Variants in EMID1 observed in about 807,000 individuals in gnomAD.
EMID1 encodes the protein EMI domain-containing protein 1.
In EMID1, 40 loss-of-function variants were observed where a neutral mutation model predicts 60.6. The observed-to-expected ratio is 0.66, with a 90% CI of 0.51 to 0.86. The LOEUF (loss-of-function observed/expected upper bound fraction) is 0.86, where lower values mean the gene tolerates loss of function less well. Ranked by LOEUF, EMID1 falls within the 40% of genes least tolerant of loss-of-function variation. EMID1 has a pLI of 0.00. For synonymous variants in EMID1, 242 were observed against 231.0 expected, an observed-to-expected ratio of 1.05 and a Z score of -0.43; for missense variants, 585 against 597.1, an observed-to-expected ratio of 0.98 and a Z score of 0.21.
At chr22:29,215,252 C>T in intron 2 of EMID1, 1 of 985,440 alleles carries the variant, frequency 1.0e-6, no homozygotes, top group Non-Finnish European at 1.2e-6. Flanking sequence ...CACCATTTGC[C>T]TGCATTCCTT....
At chr22:29,218,478 G>A (rs563644421) in intron 3 of EMID1, among the ~76,000 whole-genome samples, 1 of 152,328 alleles carries the variant, frequency 6.6e-6, no homozygotes, top group African/African-American at 2.4e-5. Context: ...CTGGCCTGAG[G>A]TCACTCGGCA....
intron 3 of EMID1, among the ~76,000 whole-genome samples, chr22:29,220,094 G>T (rs1157644307): frequency 2.6e-5 from 4 of 151,656 alleles, no homozygotes; most frequent in African/African-American, 9.7e-5. Context: ...CACTCTCTCA[G>T]CCCCTGCCTG....
intron 3 of EMID1, among the ~76,000 whole-genome samples, chr22:29,217,114 G>T (rs2040118312): frequency 2.0e-5 from 3 of 152,216 alleles, no homozygotes. Flanking sequence ...GGCCGCCTGG[G>T]CCCAGGCAGA....
chr22:29,240,909 C>T (rs1289517778), intron 12 of EMID1, among the ~76,000 whole-genome samples: 2 of 152,200 alleles, frequency 1.3e-5, no homozygotes. Context: ...GGTCCGATCA[C>T]TCCAACAGGT....
At chr22:29,245,282 G>A (rs1485579627) in intron 13 of EMID1, among the ~76,000 whole-genome samples, 1 of 152,168 alleles carries the variant, frequency 6.6e-6, no homozygotes, top group Non-Finnish European at 1.5e-5. Flanking sequence ...CCTCCCCTAG[G>A]CTAATTACTG....
At chr22:29,221,318 A>G (rs1466572765) in intron 3 of EMID1, among the ~76,000 whole-genome samples, 1 of 152,096 alleles carries the variant, frequency 6.6e-6, no homozygotes, top group Non-Finnish European at 1.5e-5. Context: ...GGCCTGTTTC[A>G]GGGCCTTTGA....
intron 13 of EMID1, 43 bp from the exon 14 acceptor site, chr22:29,254,160 C>T: frequency 6.2e-7 from 1 of 1,612,118 alleles, no homozygotes. Context: ...AGGGTCCCCT[C>T]CCCTGCCCCC....
In EMID1 at chr22:29,238,955, T is replaced by C. The variant is rs1165388200; in HGVS notation, c.1075-4490T>C. 1.4e-5 allele frequency among the ~76,000 whole-genome samples: 2 copies of C among 144,582 alleles called. 1 individual carries two copies. Among genetic ancestry groups the C allele is most frequent in the African/African-American group, 5.5e-5 (2 of 36,630 alleles). The allele number at this position is 144,582 out of a possible 152,430, so 94.9% of individuals were successfully genotyped here. A position where few individuals can be genotyped will look rare whatever the true frequency, so the allele number is the denominator to read the frequency against. On this transcript the variant is annotated intron_variant, in intron 12 of 14. Transcript: ENST00000334018. Reference sequence around the variant, plus strand: ...ATCTTCCTAGATCTGTGGTTTGGTGTCTGACATTTTTGGGGGGAAAATTCT... The same window carrying C: ...ATCTTCCTAGATCTGTGGTTTGGTGCCTGACATTTTTGGGGGGAAAATTCT...
At position 29,209,395 on chromosome 22, in the gene EMID1, C is replaced by T. The variant is rs368075918; in HGVS notation, c.101+3256C>T. 1.4e-4 allele frequency among the ~76,000 whole-genome samples: 22 copies of T among 152,270 alleles called. 1 individual carries two copies. In the East Asian group the frequency reaches 3.5e-3, roughly 24 times the overall value. ...CCCTGCCCTCACCAACCCCACTGCCCAGCCTCATCCAGCTCTTGGGCAGCT... is the reference window on the plus strand; with the variant it reads ...CCCTGCCCTCACCAACCCCACTGCCTAGCCTCATCCAGCTCTTGGGCAGCT... On this transcript the variant is annotated intron_variant, in intron 1 of 14. Transcript: ENST00000334018.
At chr22:29,240,479 G>A (rs549377898) in intron 12 of EMID1, among the ~76,000 whole-genome samples, 2 of 151,920 alleles carry the variant, frequency 1.3e-5, no homozygotes, top group South Asian at 2.1e-4. Context: ...AGGGTGGAAG[G>A]CTACCCTGCC....
chr22:29,210,911 C>T (rs1223432906), intron 1 of EMID1, among the ~76,000 whole-genome samples: 2 of 152,008 alleles, frequency 1.3e-5, no homozygotes, highest in Non-Finnish European at 2.9e-5. Flanking sequence ...AGATGGCCAA[C>T]AGTACCCTGC....
At chr22:29,237,910 G>T (rs1020508819) in intron 12 of EMID1, among the ~76,000 whole-genome samples, 1 of 144,630 alleles carries the variant, frequency 6.9e-6, no homozygotes, top group Non-Finnish European at 1.5e-5. Context: ...CTAGAATCGG[G>T]CAACACTTCA....
In EMID1 at chr22:29,255,641, G is replaced by A. The variant is rs556863904; in HGVS notation, c.1204+1354G>A. On this transcript the variant is annotated intron_variant, in intron 14 of 14. Coordinates refer to ENST00000334018, the MANE Select transcript of EMID1 (RefSeq NM_133455.4). Reference sequence around the variant, plus strand: ...GAGTGTAGGGTGCTGGGGGGCTCAGGAGAACCCTGACACTGGTAGAGAAAC... The same window carrying A: ...GAGTGTAGGGTGCTGGGGGGCTCAGAAGAACCCTGACACTGGTAGAGAAAC... 6.0e-4 allele frequency: 183 copies of A among 304,956 alleles called. 1 individual carries two copies. The highest frequency in any genetic ancestry group is 3.8e-3 in the African/African-American group (176 of 46,664). 18.9% of individuals were successfully genotyped at this position (304,956 alleles called of 1,614,324 possible). A position where few individuals can be genotyped will look rare whatever the true frequency, so the allele number is the denominator to read the frequency against.
intron 14 of EMID1, among the ~76,000 whole-genome samples, chr22:29,257,213 C>A (rs958381493): frequency 6.6e-6 from 1 of 152,126 alleles, no homozygotes; most frequent in Admixed American, 6.5e-5. Flanking sequence ...GGTCGGGGGA[C>A]TGGGAAATGG....
intron 5 of EMID1, among the ~76,000 whole-genome samples, chr22:29,227,645 T>C (rs370902698): frequency 4.2e-5 from 6 of 143,860 alleles, no homozygotes; most frequent in East Asian, 2.1e-4. Context: ...GTGGAGGTTG[T>C]AGTGAGCCAA....
rs748172215 is a variant in EMID1 at position 29,250,733 on chromosome 22, A to ATTTTTTTTTTT, written c.1120-3445_1120-3435dup. The stretch of plus-strand genomic sequence containing the variant: ...AGGCATGCACCACCACACCCGGCTA[A>ATTTTTTTTTTT]TTTTTTTTTTTTTTTTTTTTTTTTT... On this transcript the variant is annotated intron_variant, in intron 13 of 14. Coordinates refer to ENST00000334018, the MANE Select transcript of EMID1 (RefSeq NM_133455.4). Among the ~76,000 whole-genome samples, 104 of 22,486 alleles carry ATTTTTTTTTTT rather than the reference A, an allele frequency of 4.6e-3. 20 individuals are homozygous for ATTTTTTTTTTT. The highest frequency in any genetic ancestry group is 7.7e-3 in the Non-Finnish European group (86 of 11,146). The allele number at this position is 22,486 out of a possible 152,430, so 14.8% of individuals were successfully genotyped here.
chr22:29,206,434 GCCCCT>G (rs2146065993), intron 1 of EMID1, among the ~76,000 whole-genome samples: 1 of 152,358 alleles, frequency 6.6e-6, no homozygotes, highest in African/African-American at 2.4e-5. Context: ...TGTCCCTAGG[GCCCCT>G]CCCCCTGCAC....
intron 13 of EMID1, among the ~76,000 whole-genome samples, chr22:29,252,138 G>A (rs1314606859): frequency 3.9e-5 from 6 of 152,146 alleles, no homozygotes; most frequent in Admixed American, 1.3e-4. Context: ...TCCTGCCCCT[G>A]TAATACTCGA....
At chr22:29,218,394 C>A (rs1003643196) in intron 3 of EMID1, among the ~76,000 whole-genome samples, 3 of 152,204 alleles carry the variant, frequency 2.0e-5, no homozygotes, top group African/African-American at 7.2e-5. Flanking sequence ...GTGTCCATGG[C>A]AACCTGTGGA....
Sources: gnomAD v4.1 joint callset for allele counts (sites outside exome capture counted in the v4.1 genomes callset) on GRCh38, gnomAD v4.1.1 for gene constraint, MANE v1.5 for transcripts, NCBI Gene and HGNC (gene_info 2026-07-23, HGNC 2026-07-21) for gene names.